The following UNC13C variants were observed in gnomAD, a reference collection of about 807,000 sequenced individuals.
UNC13C encodes unc-13 homolog C.
UNC13C carries 174 observed loss-of-function variants against 245.4 expected under a neutral mutation model. The observed-to-expected ratio is 0.71, with a 90% confidence interval of 0.63 to 0.80. The LOEUF (loss-of-function observed/expected upper bound fraction) is 0.80, where lower values mean the gene tolerates loss of function less well. UNC13C is among the 30% of genes least tolerant of loss of function. The pLI is 0.00. For missense variants in UNC13C, 2,829 were observed against 2,602.9 expected (o/e 1.09, Z -1.89); for synonymous variants, 992 against 895.1 (o/e 1.11, Z -1.93).
In UNC13C at chr15:54,511,867, A is replaced by G. The variant is rs1324926225; in HGVS notation, c.5457+37A>G. The G allele has an allele frequency of 2.1e-6, 3 of 1,452,800 alleles. No individual in the cohort carries two copies. In the South Asian group the frequency reaches 3.6e-5, roughly 18 times the overall value. 90.0% of individuals were successfully genotyped at this position (1,452,800 alleles called of 1,614,324 possible). A position where few individuals can be genotyped will look rare whatever the true frequency, so the allele number is the denominator to read the frequency against. On this transcript the variant is annotated intron_variant, in intron 24 of 32. Transcript: ENST00000260323. ...TTTCTCCTACATTTGCTAAAAACCTACTTAGAGATTATTAGCAGCATATCT... is the reference window on the plus strand; with the variant it reads ...TTTCTCCTACATTTGCTAAAAACCTGCTTAGAGATTATTAGCAGCATATCT...
At chr15:54,037,308 GT>G (rs908134165) in intron 2 of UNC13C, among the ~76,000 whole-genome samples, 1 of 152,166 alleles carries the variant, frequency 6.6e-6, no homozygotes, top group Non-Finnish European at 1.5e-5. Flanking sequence ...GAAAGATACA[GT>G]TTTTTCCACC....
chr15:54,231,359 G>A (rs1169225148), intron 4 of UNC13C, among the ~76,000 whole-genome samples: 2 of 151,948 alleles, frequency 1.3e-5, no homozygotes, highest in East Asian at 3.9e-4. Flanking sequence ...GTAGACCTCA[G>A]TTCATATGAG....
At chr15:54,601,828 C>G (rs1469152321) in intron 30 of UNC13C, among the ~76,000 whole-genome samples, 1 of 152,156 alleles carries the variant, frequency 6.6e-6, no homozygotes, top group Non-Finnish European at 1.5e-5. Context: ...GAACATGTTT[C>G]TCCTCAAAGT....
At chr15:53,993,651 T>C (rs1354590476) in intron 1 of UNC13C, among the ~76,000 whole-genome samples, 1 of 152,112 alleles carries the variant, frequency 6.6e-6, no homozygotes, top group Non-Finnish European at 1.5e-5. Context: ...CATGTCCTTC[T>C]TCCTCCAAAG....
intron 1 of UNC13C, among the ~76,000 whole-genome samples, chr15:53,992,282 A>G (rs1002162679): frequency 5.3e-5 from 8 of 152,104 alleles, no homozygotes; most frequent in Admixed American, 1.3e-4. Flanking sequence ...GTGCATACCT[A>G]TTGGTGAGGT....
intron 25 of UNC13C, among the ~76,000 whole-genome samples, chr15:54,530,918 A>T (rs993541290): frequency 3.9e-5 from 6 of 152,156 alleles, no homozygotes; most frequent in African/African-American, 1.4e-4. Flanking sequence ...GAAGCTATTG[A>T]AGATTTTTAG....
chr15:54,511,401 G>A (rs931291294), intron 23 of UNC13C, among the ~76,000 whole-genome samples: 4 of 152,028 alleles, frequency 2.6e-5, no homozygotes, highest in Non-Finnish European at 5.9e-5. Context: ...TAAAATAACA[G>A]AAGAATTTAA....
intron 2 of UNC13C, among the ~76,000 whole-genome samples, chr15:54,106,812 C>T (rs972939803): frequency 1.3e-5 from 2 of 152,152 alleles, no homozygotes; most frequent in African/African-American, 4.8e-5. Context: ...ATAGTGAACA[C>T]TGAATTGAAG....
At chr15:54,309,976 A>G (rs529201407) in intron 13 of UNC13C, among the ~76,000 whole-genome samples, 1 of 151,998 alleles carries the variant, frequency 6.6e-6, no homozygotes, top group South Asian at 2.1e-4. Flanking sequence ...TTCTGACACT[A>G]GCACCATTTA....
intron 4 of UNC13C, among the ~76,000 whole-genome samples, chr15:54,220,761 C>T (rs2035201407): frequency 1.3e-5 from 2 of 151,592 alleles, no homozygotes; most frequent in African/African-American, 2.4e-5. Flanking sequence ...TTAGTGGTGG[C>T]ATTGCTAAAC....
chr15:54,482,409 A>G (rs1893170607), intron 19 of UNC13C, among the ~76,000 whole-genome samples: 1 of 152,136 alleles, frequency 6.6e-6, no homozygotes, highest in African/African-American at 2.4e-5. Flanking sequence ...CTCCTATTCC[A>G]GTCTCAGGGC....
At chr15:54,226,911 C>G (rs946658405) in intron 4 of UNC13C, among the ~76,000 whole-genome samples, 2 of 152,108 alleles carry the variant, frequency 1.3e-5, no homozygotes, top group African/African-American at 4.8e-5. Context: ...GTCCCCAGGT[C>G]TGGGATCCTG....
At chr15:53,934,074 C>A in the UNC13C span, among the ~76,000 whole-genome samples, 10 of 152,310 alleles carry the variant, frequency 6.6e-5, no homozygotes, top group East Asian at 1.5e-3. Context: ...GGAGAGCCAG[C>A]ATATTACATT....
chr15:54,070,554 A>C (rs1344610747), intron 2 of UNC13C, among the ~76,000 whole-genome samples: 1 of 152,188 alleles, frequency 6.6e-6, no homozygotes, highest in Non-Finnish European at 1.5e-5. Flanking sequence ...GTTTGTCTAC[A>C]GACCTGTTTT....
chr15:54,598,545 G>A (rs1431195067), intron 30 of UNC13C, among the ~76,000 whole-genome samples: 1 of 152,306 alleles, frequency 6.6e-6, no homozygotes. Context: ...ATAAACTTCT[G>A]TTGAATCAAC....
chr15:54,433,626 C>T (rs1445026634), intron 19 of UNC13C, among the ~76,000 whole-genome samples: 1 of 152,006 alleles, frequency 6.6e-6, no homozygotes, highest in East Asian at 1.9e-4. Flanking sequence ...TAGGCAATAT[C>T]ATACTGAATG....
At chr15:54,615,624 T>G (rs770352876) in intron 30 of UNC13C, among the ~76,000 whole-genome samples, 2 of 152,098 alleles carry the variant, frequency 1.3e-5, no homozygotes, top group Non-Finnish European at 2.9e-5. Flanking sequence ...TGAGAGATGC[T>G]GATAGGTCAA....
intron 4 of UNC13C, among the ~76,000 whole-genome samples, chr15:54,151,591 A>C (rs550282613): frequency 1.3e-5 from 2 of 152,198 alleles, no homozygotes; most frequent in East Asian, 3.9e-4. Flanking sequence ...TTTAGTAGAG[A>C]TGGGGTTTCA....
At position 54,014,319 on chromosome 15, in the gene UNC13C, G is replaced by C. The variant is rs781727796; in HGVS notation, c.1416G>C (p.Glu472Asp). The change falls in exon 2 of 33, where the codon GAG (glutamate) becomes GAC (aspartate). Residue 472 changes from glutamate to aspartate, a missense_variant. Transcript: ENST00000260323. Reference sequence around the variant, plus strand: ...GTTACGCTGTGCTTTCCAAGTCAGAGCTTCTAACAAAGGGAAGTACTTCCA... The same window carrying C: ...GTTACGCTGTGCTTTCCAAGTCAGACCTTCTAACAAAGGGAAGTACTTCCA... ...RNSYAVLSKS[E>D]LLTKGSTSKP... The C allele has an allele frequency of 1.9e-6, 3 of 1,613,908 alleles. No homozygotes were observed. Among genetic ancestry groups the C allele is most frequent in the Non-Finnish European group, 1.7e-6 (2 of 1,179,840 alleles).
Sources: allele counts gnomAD v4.1 joint callset (sites outside exome capture counted in the v4.1 genomes callset), GRCh38; gene constraint gnomAD v4.1.1; transcripts MANE v1.5; gene names NCBI Gene and HGNC (gene_info 2026-07-23, HGNC 2026-07-21).